The following FAF1 variants were observed in gnomAD, a reference collection of about 807,000 sequenced individuals.
The protein encoded by FAF1 is Fas associated factor 1, also known as FAS-associated factor 1.
FAF1 carries 25 observed loss-of-function variants against 92.5 expected under a neutral mutation model. The observed-to-expected ratio is 0.27, with a 90% CI of 0.20 to 0.38. The LOEUF (loss-of-function observed/expected upper bound fraction) is 0.38. Among genes scored for constraint, FAF1 ranks in the 10% least tolerant of loss-of-function variants. FAF1 has a pLI of 1.00. For missense variants in FAF1, 636 were observed against 793.3 expected (o/e 0.80, Z 2.38); for synonymous variants, 234 against 273.2 (o/e 0.86, Z 1.42).
chr1:50,745,375 AAAGAG>A (rs1322632582), intron 4 of FAF1, among the ~76,000 whole-genome samples: 1 of 152,206 alleles, frequency 6.6e-6, no homozygotes, highest in African/African-American at 2.4e-5. Flanking sequence ...AAACTGTATT[AAAGAG>A]AAGAGCAACA....
Position 50,676,330 on chromosome 1 carries a change from C to T in FAF1, c.658-20802G>A, listed in dbSNP as rs184006955. ...GCTGAGGCAGGAGAATTGCTTGAAC[C>T]CAGGAGGTGGAGGTTGCAGTGAGCC... On this transcript the variant is annotated intron_variant, in intron 7 of 18. Transcript: ENST00000396153. Among the ~76,000 whole-genome samples the T allele has an allele frequency of 4.6e-5, 7 of 151,666 alleles. No individual in the cohort carries two copies. In the East Asian group the frequency reaches 1.2e-3, roughly 25 times the overall value.
At chr1:50,446,201 A>C (rs1203455352) in intron 18 of FAF1, among the ~76,000 whole-genome samples, 1 of 152,236 alleles carries the variant, frequency 6.6e-6, no homozygotes, top group African/African-American at 2.4e-5. Flanking sequence ...CTGAGGTCAC[A>C]CGGTTGAATA....
At chr1:50,463,714 T>C (rs912306513) in intron 18 of FAF1, among the ~76,000 whole-genome samples, 2 of 152,188 alleles carry the variant, frequency 1.3e-5, no homozygotes, top group East Asian at 1.9e-4. Context: ...TGTTAATTCC[T>C]CTGTCTAACT....
chr1:50,750,972 TC>T (rs1432678320), intron 4 of FAF1, among the ~76,000 whole-genome samples: 1 of 110,208 alleles, frequency 9.1e-6, no homozygotes. Flanking sequence ...CAAGTTTAGC[TC>T]TTTTTTTTTT....
intron 7 of FAF1, among the ~76,000 whole-genome samples, chr1:50,694,000 T>A (rs1657058736): frequency 1.5e-5 from 1 of 65,234 alleles, no homozygotes; most frequent in Non-Finnish European, 3.3e-5. Context: ...TATGTGTCAT[T>A]ATATATATAC....
intron 1 of FAF1, among the ~76,000 whole-genome samples, chr1:50,883,377 C>T (rs1225345196): frequency 6.6e-6 from 1 of 152,156 alleles, no homozygotes; most frequent in Non-Finnish European, 1.5e-5. Flanking sequence ...ACCACCTAAA[C>T]TAAATGACCA....
chr1:50,499,473 T>C lies in FAF1; in HGVS notation c.1495-7672A>G, dbSNP rs1646953868. 2.0e-5 allele frequency among the ~76,000 whole-genome samples: 3 copies of C among 152,050 alleles called. No individual in the cohort carries two copies. In the South Asian group the frequency reaches 6.2e-4, roughly 32 times the overall value. ...TATCAGGAATAAATTAGCTTTTGTC[T>C]GATGCCGTCTCTGCATCCACTGAGA... On this transcript the variant is annotated intron_variant, in intron 15 of 18. Coordinates refer to ENST00000396153, the MANE Select transcript of FAF1 (RefSeq NM_007051.3).
At chr1:50,912,579 T>A (rs940820444) in intron 1 of FAF1, among the ~76,000 whole-genome samples, 1 of 152,200 alleles carries the variant, frequency 6.6e-6, no homozygotes, top group Admixed American at 6.5e-5. Context: ...TTAACATCAT[T>A]ACTCTGGTTA....
At chr1:50,558,378 AC>A (rs1649700521) in intron 13 of FAF1, among the ~76,000 whole-genome samples, 2 of 152,180 alleles carry the variant, frequency 1.3e-5, no homozygotes, top group Admixed American at 6.5e-5. Flanking sequence ...ATACATGAGT[AC>A]ACTGGTGGGG....
At chr1:50,735,655 C>T (rs1403395297) in intron 6 of FAF1, among the ~76,000 whole-genome samples, 1 of 152,124 alleles carries the variant, frequency 6.6e-6, no homozygotes, top group African/African-American at 2.4e-5. Flanking sequence ...TGTATGTATA[C>T]TTCTTTAACA....
At chr1:50,658,226 T>C (rs938577641) in intron 7 of FAF1, among the ~76,000 whole-genome samples, 1 of 152,144 alleles carries the variant, frequency 6.6e-6, no homozygotes, top group Admixed American at 6.5e-5. Flanking sequence ...AAATTATTAC[T>C]TTGAAATAAT....
intron 1 of FAF1, among the ~76,000 whole-genome samples, chr1:50,889,715 C>G (rs1158105018): frequency 6.6e-6 from 1 of 152,224 alleles, no homozygotes; most frequent in African/African-American, 2.4e-5. Context: ...TTTGATTGCA[C>G]TGTGGTCTGA....
intron 6 of FAF1, among the ~76,000 whole-genome samples, chr1:50,724,066 A>G (rs1246239473): frequency 2.0e-5 from 3 of 152,138 alleles, no homozygotes; most frequent in Admixed American, 6.6e-5. Flanking sequence ...CCATCTCTAC[A>G]GAAAATTTAA....
At chr1:50,824,608 C>A (rs181197983) in intron 2 of FAF1, among the ~76,000 whole-genome samples, 16 of 152,222 alleles carry the variant, frequency 1.1e-4, no homozygotes, top group Non-Finnish European at 2.2e-4. Flanking sequence ...AGCAATTCCA[C>A]TGCAGGGTAT....
At chr1:50,793,275 G>C (rs916655591) in intron 3 of FAF1, among the ~76,000 whole-genome samples, 3 of 152,096 alleles carry the variant, frequency 2.0e-5, no homozygotes, top group African/African-American at 7.2e-5. Flanking sequence ...TTTCCTCTAA[G>C]ATTTCCATTA....
intron 6 of FAF1, among the ~76,000 whole-genome samples, chr1:50,732,673 T>C (rs1006961589): frequency 2.6e-5 from 4 of 152,194 alleles, no homozygotes; most frequent in African/African-American, 9.6e-5. Flanking sequence ...TTTTTGTAAA[T>C]TCTATTTGAG....
At chr1:50,931,897 T>TA (rs1246070607) in intron 1 of FAF1, among the ~76,000 whole-genome samples, 58 of 133,742 alleles carry the variant, frequency 4.3e-4, no homozygotes, top group Non-Finnish European at 5.9e-4. Context: ...TAAATAATAA[T>TA]AATAATAATA....
intron 7 of FAF1, among the ~76,000 whole-genome samples, chr1:50,663,695 GC>G (rs1217469201): frequency 1.3e-5 from 2 of 151,506 alleles, no homozygotes; most frequent in African/African-American, 4.9e-5. Context: ...GAGCCACCGC[GC>G]CCGGCCAGAA....
At chr1:50,694,076 A>G (rs576045199) in intron 7 of FAF1, among the ~76,000 whole-genome samples, 74 of 152,086 alleles carry the variant, frequency 4.9e-4, no homozygotes, top group African/African-American at 1.8e-3. Flanking sequence ...CATATACATG[A>G]CATATATATA....
Sources: gnomAD v4.1 joint callset for allele counts (sites outside exome capture counted in the v4.1 genomes callset) on GRCh38, gnomAD v4.1.1 for gene constraint, MANE v1.5 for transcripts, NCBI Gene and HGNC (gene_info 2026-07-23, HGNC 2026-07-21) for gene names.